Variants in NEDD9 observed in about 807,000 individuals in gnomAD.
NEDD9 encodes enhancer of filamentation 1.
In NEDD9, 26 loss-of-function variants were observed where a neutral mutation model predicts 76.6. That is an observed-to-expected ratio of 0.34 (90% CI 0.25 to 0.47). The LOEUF is 0.47. NEDD9 is among the 20% of genes least tolerant of loss of function. NEDD9 has a pLI of 1.00. For synonymous variants in NEDD9, 392 were observed against 414.2 expected (o/e 0.95, Z 0.65); for missense variants, 937 against 1,058.5 (o/e 0.89, Z 1.59).
intron 1 of NEDD9, among the ~76,000 whole-genome samples, chr6:11,350,839 G>A (rs1478747167): frequency 6.6e-6 from 1 of 152,114 alleles, no homozygotes; most frequent in Non-Finnish European, 1.5e-5. Context: ...ACACTCGGGG[G>A]CTCATGTCAG....
chr6:11,238,629 G>A (rs771421165), intron 3 of NEDD9, among the ~76,000 whole-genome samples: 4 of 151,994 alleles, frequency 2.6e-5, no homozygotes, highest in South Asian at 2.1e-4. Flanking sequence ...ACATCCTATC[G>A]TGCCTCCCGC....
intron 1 of NEDD9, among the ~76,000 whole-genome samples, chr6:11,355,886 A>G (rs909322820): frequency 1.4e-5 from 2 of 148,072 alleles, no homozygotes; most frequent in Non-Finnish European, 2.9e-5. Flanking sequence ...ACGCCCGGCT[A>G]ATTTTTTGTA....
chr6:11,375,611 T>C (rs1047771491), intron 1 of NEDD9, among the ~76,000 whole-genome samples: 1 of 152,026 alleles, frequency 6.6e-6, no homozygotes, highest in Non-Finnish European at 1.5e-5. Flanking sequence ...TGATGGTGAG[T>C]GAGTTTTCAC....
chr6:11,183,792 A>C lies in NEDD9; in HGVS notation c.*1370T>G, dbSNP rs1453976843. 6.6e-6 allele frequency: 1 copy of C among 152,242 alleles called. No individual in the cohort carries two copies. The highest frequency in any genetic ancestry group is 1.5e-5 in the Non-Finnish European group (1 of 68,048). 9.4% of individuals were successfully genotyped at this position (152,242 alleles called of 1,614,324 possible). A position where few individuals can be genotyped will look rare whatever the true frequency, so the allele number is the denominator to read the frequency against. On this transcript the variant is annotated 3_prime_UTR_variant, in exon 7 of 7. Coordinates refer to ENST00000379446, the MANE Select transcript of NEDD9 (RefSeq NM_006403.4). ...ACATGTTTCCAAGTAGGCTGGAATA[A>C]AAATGCTAAATAAGAACTGGGCCAA...
intron 5 of NEDD9, 84 bp from the exon 6 acceptor site, chr6:11,188,391 A>T (rs1484107770): frequency 1.7e-6 from 2 of 1,170,336 alleles, no homozygotes; most frequent in Non-Finnish European, 2.6e-6. Context: ...ATGAGTAAAT[A>T]CTCTTTATTT....
intron 1 of NEDD9, among the ~76,000 whole-genome samples, chr6:11,216,419 C>T (rs953775937): frequency 6.6e-6 from 1 of 152,028 alleles, no homozygotes; most frequent in Non-Finnish European, 1.5e-5. Flanking sequence ...CCTTGTGTCA[C>T]AGATGAGGAA....
chr6:11,185,768 G>A (rs1161772809), intron 6 of NEDD9, 97 bp from the exon 7 acceptor site: 3 of 1,407,184 alleles, frequency 2.1e-6, no homozygotes, highest in East Asian at 2.4e-5. Flanking sequence ...GATTTTAGTC[G>A]CTAGTAACTG....
chr6:11,185,091 C>CA lies in NEDD9; in HGVS notation c.*70dup. On this transcript the variant is annotated 3_prime_UTR_variant, in exon 7 of 7. Transcript: ENST00000379446. ...TATCTACAAAAATAGATAACATTTA[C>CA]AAAAACCAGACAGTATTTCCAGTTT... 6.8e-7 allele frequency: 1 copy of CA among 1,479,004 alleles called. No individual in the cohort carries two copies. Among genetic ancestry groups the CA allele is most frequent in the Non-Finnish European group, 9.1e-7 (1 of 1,103,440 alleles). The allele number at this position is 1,479,004 out of a possible 1,614,324, so 91.6% of individuals were successfully genotyped here. A position where few individuals can be genotyped will look rare whatever the true frequency, so the allele number is the denominator to read the frequency against.
intron 3 of NEDD9, among the ~76,000 whole-genome samples, chr6:11,285,521 A>G (rs1269580135): frequency 6.6e-6 from 1 of 152,202 alleles, no homozygotes; most frequent in Non-Finnish European, 1.5e-5. Context: ...AACACAAAGG[A>G]CCTAGAACAG....
chr6:11,348,618 G>A (rs1365804592), intron 1 of NEDD9, among the ~76,000 whole-genome samples: 1 of 152,138 alleles, frequency 6.6e-6, no homozygotes, highest in Non-Finnish European at 1.5e-5. Context: ...CAGAAATAAA[G>A]CTGTGCACCT....
chr6:11,326,613 T>C (rs1761935064), intron 2 of NEDD9, among the ~76,000 whole-genome samples: 2 of 152,268 alleles, frequency 1.3e-5, no homozygotes, highest in Non-Finnish European at 2.9e-5. Context: ...TGTATTTTTT[T>C]CTATCCAGTG....
At chr6:11,249,074 G>A (rs1174126383) in intron 3 of NEDD9, 6 of 454,392 alleles carry the variant, frequency 1.3e-5, no homozygotes, top group Non-Finnish European at 2.7e-5. Flanking sequence ...GGGCTGCAAT[G>A]CCCACGTATT....
chr6:11,308,509 A>C (rs73362864), intron 2 of NEDD9, among the ~76,000 whole-genome samples: 21,983 of 150,624 alleles, frequency 0.15, 1,681 homozygotes, highest in Middle Eastern at 0.21. Context: ...AGCTGGGACT[A>C]CAGGCGCCCG....
chr6:11,216,237 C>T (rs1758949582), intron 1 of NEDD9, among the ~76,000 whole-genome samples: 1 of 152,198 alleles, frequency 6.6e-6, no homozygotes, highest in Admixed American at 6.5e-5. Flanking sequence ...TAGCCAGGAC[C>T]CCGGCACCAG....
At chr6:11,266,323 G>A (rs1266007214) in intron 3 of NEDD9, among the ~76,000 whole-genome samples, 1 of 152,070 alleles carries the variant, frequency 6.6e-6, no homozygotes, top group Non-Finnish European at 1.5e-5. Context: ...GTGGATTCGG[G>A]GGAGGGGGAG....
intron 3 of NEDD9, chr6:11,258,696 TC>T (rs1229759631): frequency 6.6e-6 from 1 of 152,036 alleles, no homozygotes. Context: ...GTCATTAAAC[TC>T]CCCCAGAGGG....
chr6:11,261,704 G>A (rs1344798394), intron 3 of NEDD9, among the ~76,000 whole-genome samples: 4 of 152,114 alleles, frequency 2.6e-5, no homozygotes, highest in Non-Finnish European at 5.9e-5. Context: ...ATATGGATGC[G>A]GATCATGGAA....
At chr6:11,375,188 A>G (rs905657562) in intron 1 of NEDD9, among the ~76,000 whole-genome samples, 2 of 152,246 alleles carry the variant, frequency 1.3e-5, no homozygotes, top group Non-Finnish European at 2.9e-5. Flanking sequence ...ATGCAATAGG[A>G]TACTATACAG....
chr6:11,204,971 G>A (rs1264002269), intron 2 of NEDD9, among the ~76,000 whole-genome samples: 1 of 152,146 alleles, frequency 6.6e-6, no homozygotes, highest in Non-Finnish European at 1.5e-5. Flanking sequence ...TGAGGTGGGA[G>A]CCCTGGGCAG....
Sources: gnomAD v4.1 joint callset for allele counts (sites outside exome capture counted in the v4.1 genomes callset) on GRCh38, gnomAD v4.1.1 for gene constraint, MANE v1.5 for transcripts, NCBI Gene and HGNC (gene_info 2026-07-23, HGNC 2026-07-21) for gene names.